The following UBE4B variants were observed in gnomAD, a reference collection of about 807,000 sequenced individuals.
The protein encoded by UBE4B is ubiquitination factor E4B.
In UBE4B, 27 loss-of-function variants were observed where a neutral mutation model predicts 148.1. The ratio of observed to expected loss-of-function variants is 0.18; its 90% CI spans 0.13 to 0.25. UBE4B has a LOEUF of 0.25. Among genes scored for constraint, UBE4B ranks in the 10% least tolerant of loss-of-function variants. UBE4B has a pLI of 1.00. For synonymous variants in UBE4B, 596 were observed against 619.3 expected (o/e 0.96, Z 0.56); for missense variants, 1,170 against 1,662.4 (o/e 0.70, Z 5.15).
At chr1:10,064,386 C>T (rs575824450) in intron 1 of UBE4B, among the ~76,000 whole-genome samples, 14 of 152,318 alleles carry the variant, frequency 9.2e-5, no homozygotes, top group Admixed American at 3.9e-4. Context: ...CTGCTGATCG[C>T]ATCTCCGAGG....
chr1:10,107,625 C>T (rs570445911), intron 7 of UBE4B, among the ~76,000 whole-genome samples: 1 of 148,342 alleles, frequency 6.7e-6, no homozygotes, highest in South Asian at 2.1e-4. Flanking sequence ...TTGCCCAGGC[C>T]GGAGTGCAAT....
intron 2 of UBE4B, among the ~76,000 whole-genome samples, chr1:10,083,104 A>C (rs373990359): frequency 4.6e-4 from 70 of 152,116 alleles, no homozygotes; most frequent in Non-Finnish European, 8.1e-4. Context: ...AAATAGTGCT[A>C]TCGTGTACAT....
At position 10,048,134 on chromosome 1, in the gene UBE4B, C is replaced by T. The variant is rs1365433999; in HGVS notation, c.24+14440C>T. Among the ~76,000 whole-genome samples, 3 of 152,176 alleles carry T rather than the reference C, an allele frequency of 2.0e-5. No homozygotes were observed. In the East Asian group the frequency reaches 5.8e-4, roughly 29 times the overall value. On this transcript the variant is annotated intron_variant, in intron 1 of 27. Coordinates refer to ENST00000343090, the MANE Select transcript of UBE4B (RefSeq NM_001105562.3). ...AAGGCCCTGGGATTATAAGCATGAG[C>T]CACTGCATCCGTCCTGAATGCGTTT... is the stretch of plus-strand genomic sequence containing the variant.
intron 2 of UBE4B, among the ~76,000 whole-genome samples, chr1:10,094,724 A>G (rs577689852): frequency 7.6e-4 from 116 of 152,134 alleles, no homozygotes; most frequent in African/African-American, 9.9e-4. Flanking sequence ...GTGAGCCACC[A>G]CACCCAGCCT....
intron 1 of UBE4B, among the ~76,000 whole-genome samples, chr1:10,064,187 T>TA (rs1305106507): frequency 2.0e-5 from 3 of 152,138 alleles, no homozygotes; most frequent in Non-Finnish European, 4.4e-5. Flanking sequence ...GCCTAACCCC[T>TA]ACCTGTCCTG....
intron 1 of UBE4B, among the ~76,000 whole-genome samples, chr1:10,058,352 T>A (rs1289127598): frequency 6.6e-6 from 1 of 152,202 alleles, no homozygotes; most frequent in African/African-American, 2.4e-5. Flanking sequence ...CCCGTCTGTT[T>A]CCACTCTGTC....
At chr1:10,060,633 A>G (rs960992557) in intron 1 of UBE4B, among the ~76,000 whole-genome samples, 1 of 152,242 alleles carries the variant, frequency 6.6e-6, no homozygotes, top group Admixed American at 6.5e-5. Context: ...CTGGGGTTCT[A>G]GTAGCCATTG....
In UBE4B at chr1:10,149,245, G is replaced by T. The variant is rs1402990661; in HGVS notation, c.2653G>T (p.Val885Leu). Reference protein sequence around the residue: ...KVFAALPEFYVEDVAEFLFFI... With the variant: ...KVFAALPEFYLEDVAEFLFFI... ...ATTTGCAGCGTTGCCTGAGTTTTAT[G>T]TAGAAGATGTTGCAGAATTTTTATT... The change falls in exon 20 of 28, where the codon GTA becomes TTA. Residue 885 changes from valine to leucine, a missense_variant. Transcript: ENST00000343090. 1 of 1,611,386 alleles carries T rather than the reference G, an allele frequency of 6.2e-7. No homozygotes were observed. The highest frequency in any genetic ancestry group is 2.2e-5 in the East Asian group (1 of 44,754).
In UBE4B at chr1:10,180,047, T is replaced by G. The variant is rs1056176282; in HGVS notation, c.*91T>G. 26 of 1,569,728 alleles carry G rather than the reference T, an allele frequency of 1.7e-5. No individual in the cohort carries two copies. The highest frequency in any genetic ancestry group is 2.1e-5 in the Non-Finnish European group (24 of 1,148,566). ...CGCAGCGAAGCTGCCGTTCATGTGT[T>G]GGAGGCCAAATGTGGCAAACCAACC... On this transcript the variant is annotated 3_prime_UTR_variant, in exon 28 of 28. Coordinates refer to ENST00000343090, the MANE Select transcript of UBE4B (RefSeq NM_001105562.3).
chr1:10,132,890 C>G (rs1036792643), intron 15 of UBE4B, among the ~76,000 whole-genome samples: 1 of 152,140 alleles, frequency 6.6e-6, no homozygotes, highest in Admixed American at 6.5e-5. Context: ...AAGCCCAGCA[C>G]GCAGGCTTTT....
intron 7 of UBE4B, among the ~76,000 whole-genome samples, chr1:10,116,308 A>C (rs771241076): frequency 6.6e-6 from 1 of 151,760 alleles, no homozygotes; most frequent in South Asian, 2.1e-4. Context: ...ACGCCCAACA[A>C]ATTTTTGTAT....
chr1:10,166,849 C>T (rs376709333), intron 23 of UBE4B, among the ~76,000 whole-genome samples: 31 of 151,754 alleles, frequency 2.0e-4, no homozygotes, highest in African/African-American at 7.5e-4. Context: ...GGCTCGAACC[C>T]GGGAGGCAGA....
At position 10,171,520 on chromosome 1, in the gene UBE4B, G is replaced by A. The variant is rs182584249; in HGVS notation, c.3525+191G>A. On this transcript the variant is annotated intron_variant, in intron 25 of 27. Transcript: ENST00000343090. ...CAACATTCTGGGAGGCCAAGGCAGGGGGATTGCTTGAGGCCAGACTGCAGT... is the reference window on the plus strand; with the variant it reads ...CAACATTCTGGGAGGCCAAGGCAGGAGGATTGCTTGAGGCCAGACTGCAGT... Among the ~76,000 whole-genome samples the A allele has an allele frequency of 2.0e-5, 3 of 152,336 alleles. No individual in the cohort carries two copies. The East Asian group carries it at 5.8e-4, about 29-fold the overall frequency.
Position 10,151,422 on chromosome 1 carries a change from T to C in UBE4B, c.2787T>C (p.Tyr929=). Residue 929 remains tyrosine (Y), a synonymous_variant, in exon 21 of 28, where the codon TAT becomes TAC. Coordinates refer to ENST00000343090, the MANE Select transcript of UBE4B (RefSeq NM_001105562.3). ...LCNQNYIRNP[Y]LVAKLVEVMF... is the part of the protein sequence containing the mutation. ...ACCAGAACTACATCCGAAACCCATA[T>C]TTGGTGGCCAAACTGGTAGAAGTCA... 1 of 1,614,206 alleles carries C rather than the reference T, an allele frequency of 6.2e-7. No homozygotes were observed. The highest frequency in any genetic ancestry group is 1.1e-5 in the South Asian group (1 of 91,084).
chr1:10,063,595 G>C (rs369273139), intron 1 of UBE4B, among the ~76,000 whole-genome samples: 37 of 152,024 alleles, frequency 2.4e-4, no homozygotes, highest in African/African-American at 8.5e-4. Flanking sequence ...ACAGTAGCTA[G>C]AGTGATTTGT....
chr1:10,153,629 G>A (rs573929089), intron 21 of UBE4B, among the ~76,000 whole-genome samples: 1 of 151,702 alleles, frequency 6.6e-6, no homozygotes, highest in African/African-American at 2.4e-5. Context: ...AGACTAGCCT[G>A]ACCAAAATGG....
chr1:10,066,169 T>G (rs2101821883), intron 1 of UBE4B, among the ~76,000 whole-genome samples: 1 of 151,462 alleles, frequency 6.6e-6, no homozygotes, highest in East Asian at 2.0e-4. Flanking sequence ...AGGGTCTCAC[T>G]CTGACACCCC....
chr1:10,175,255 C>A (rs79982090), intron 25 of UBE4B, among the ~76,000 whole-genome samples: 1 of 152,016 alleles, frequency 6.6e-6, no homozygotes, highest in South Asian at 2.1e-4. Context: ...TATGGGCAGA[C>A]GCCAGTTCCA....
chr1:10,033,578 C>A lies in UBE4B; in HGVS notation c.-93C>A. 1 of 1,393,812 alleles carries A rather than the reference C, an allele frequency of 7.2e-7. No homozygotes were observed. The highest frequency in any genetic ancestry group is 9.5e-7 in the Non-Finnish European group (1 of 1,054,724). 86.3% of individuals were successfully genotyped at this position (1,393,812 alleles called of 1,614,324 possible). A position where few individuals can be genotyped will look rare whatever the true frequency, so the allele number is the denominator to read the frequency against. The stretch of plus-strand genomic sequence containing the variant: ...CTCCCCCATTCGGGGGACCAGACAG[C>A]CTGATAGACACCTTCCACTCTCCTT... On this transcript the variant is annotated 5_prime_UTR_variant, in exon 1 of 28. Coordinates refer to ENST00000343090, the MANE Select transcript of UBE4B (RefSeq NM_001105562.3).
Sources: gnomAD v4.1 joint callset for allele counts (sites outside exome capture counted in the v4.1 genomes callset) on GRCh38, gnomAD v4.1.1 for gene constraint, MANE v1.5 for transcripts, NCBI Gene and HGNC (gene_info 2026-07-23, HGNC 2026-07-21) for gene names.